NRXN1: variants seen among roughly 807,000 people sequenced by gnomAD.
NRXN1 encodes the protein neurexin 1.
Under a neutral mutation model 150.9 loss-of-function variants are expected in NRXN1, and 39 were observed. That is an observed-to-expected ratio of 0.26 (90% confidence interval 0.20 to 0.34). NRXN1 has a LOEUF of 0.34. Among genes scored for constraint, NRXN1 ranks in the 10% least tolerant of loss-of-function variants. The pLI, the probability that NRXN1 is intolerant of heterozygous loss-of-function variation, is 1.00. For synonymous variants in NRXN1, 924 were observed against 757.0 expected (o/e 1.22, Z -3.62); for missense variants, 1,815 against 1,949.9 (o/e 0.93, Z 1.30).
chr2:50,421,080 C>T (rs1334013181), intron 17 of NRXN1, among the ~76,000 whole-genome samples: 2 of 150,136 alleles, frequency 1.3e-5, no homozygotes, highest in South Asian at 2.1e-4. Context: ...GCAATGGACC[C>T]CTGTTATTTG....
At chr2:50,431,698 A>C (rs2084976151) in intron 17 of NRXN1, among the ~76,000 whole-genome samples, 1 of 152,206 alleles carries the variant, frequency 6.6e-6, no homozygotes, top group Non-Finnish European at 1.5e-5. Flanking sequence ...CCTATTGTCC[A>C]CGGCTGCTTT....
intron 17 of NRXN1, among the ~76,000 whole-genome samples, chr2:50,429,124 T>C (rs948295087): frequency 3.9e-5 from 6 of 152,144 alleles, no homozygotes; most frequent in East Asian, 1.9e-4. Context: ...GAATTAAAAG[T>C]AGTCATAATA....
chr2:50,227,783 G>A (rs1422245731), intron 18 of NRXN1, among the ~76,000 whole-genome samples: 1 of 152,008 alleles, frequency 6.6e-6, no homozygotes, highest in Non-Finnish European at 1.5e-5. Flanking sequence ...TAAAAAGCAA[G>A]CAGATACCTT....
chr2:50,947,733 C>T (rs1306470248), intron 2 of NRXN1, among the ~76,000 whole-genome samples: 2 of 151,942 alleles, frequency 1.3e-5, no homozygotes, highest in Non-Finnish European at 2.9e-5. Context: ...GGCAAAGGTA[C>T]GTATCCAAAT....
chr2:50,858,713 A>C (rs1435321518), intron 5 of NRXN1, among the ~76,000 whole-genome samples: 1 of 152,148 alleles, frequency 6.6e-6, no homozygotes, highest in Non-Finnish European at 1.5e-5. Flanking sequence ...AACATCTGAA[A>C]ATTTTAAGTT....
Position 49,921,314 on chromosome 2 carries a change from A to T in NRXN1, c.*630T>A. On this transcript the variant is annotated 3_prime_UTR_variant, in exon 23 of 23. Transcript: ENST00000401669. ...CGTGCCTTATATTTCACATTTTTGA[A>T]AATAAGGCCTCCATACTTTTTTTTC... 6.6e-6 allele frequency: 1 copy of T among 152,594 alleles called. No homozygotes were observed. Among genetic ancestry groups the T allele is most frequent in the East Asian group, 1.9e-4 (1 of 5,184 alleles). 9.5% of individuals were successfully genotyped at this position (152,594 alleles called of 1,614,324 possible).
At chr2:50,348,798 A>C (rs1182816653) in intron 17 of NRXN1, among the ~76,000 whole-genome samples, 1 of 152,166 alleles carries the variant, frequency 6.6e-6, no homozygotes, top group Non-Finnish European at 1.5e-5. Flanking sequence ...CCTGATTTCC[A>C]AAAGATGATA....
At chr2:50,969,671 A>C (rs1304445823) in intron 2 of NRXN1, among the ~76,000 whole-genome samples, 1 of 152,188 alleles carries the variant, frequency 6.6e-6, no homozygotes, top group Non-Finnish European at 1.5e-5. Flanking sequence ...ATATATCTAA[A>C]TTTAGGACAA....
At chr2:50,004,075 C>T (rs931150612) in intron 21 of NRXN1, among the ~76,000 whole-genome samples, 12 of 151,966 alleles carry the variant, frequency 7.9e-5, no homozygotes, top group Admixed American at 7.9e-4. Context: ...TGAGGTATTA[C>T]TTGAGTAAAA....
At chr2:50,625,494 C>G (rs1680857444) in intron 5 of NRXN1, among the ~76,000 whole-genome samples, 1 of 152,182 alleles carries the variant, frequency 6.6e-6, no homozygotes, top group Non-Finnish European at 1.5e-5. Flanking sequence ...GAGCACCTCC[C>G]AAGTGTTAAG....
intron 17 of NRXN1, among the ~76,000 whole-genome samples, chr2:50,277,355 T>C (rs942965964): frequency 6.6e-6 from 1 of 152,260 alleles, no homozygotes; most frequent in African/African-American, 2.4e-5. Flanking sequence ...TTGACATTGC[T>C]TGGCCAAGAG....
At chr2:50,778,063 T>TC (rs1021130844) in intron 5 of NRXN1, among the ~76,000 whole-genome samples, 15 of 152,104 alleles carry the variant, frequency 9.9e-5, no homozygotes, top group African/African-American at 1.4e-4. Context: ...ACACACCTCC[T>TC]CCCCCCCTTT....
Position 50,945,895 on chromosome 2 carries a change from T to C in NRXN1, c.773-19940A>G, listed in dbSNP as rs1240450941. ...AAAAACAGATATATATATATATATATATATACACACACACACACACACACA... is the reference window on the plus strand; with the variant it reads ...AAAAACAGATATATATATATATATACATATACACACACACACACACACACA... On this transcript the variant is annotated intron_variant, in intron 2 of 22. Transcript: ENST00000401669. 1.5e-3 allele frequency among the ~76,000 whole-genome samples: 219 copies of C among 143,726 alleles called. 2 individuals carry two copies. Among genetic ancestry groups the C allele is most frequent in the African/African-American group, 5.6e-3 (214 of 38,536 alleles). The allele number at this position is 143,726 out of a possible 152,430, so 94.3% of individuals were successfully genotyped here. A position where few individuals can be genotyped will look rare whatever the true frequency, so the allele number is the denominator to read the frequency against.
intron 17 of NRXN1, among the ~76,000 whole-genome samples, chr2:50,339,803 T>A (rs1028708770): frequency 6.6e-6 from 1 of 152,228 alleles, no homozygotes; most frequent in Non-Finnish European, 1.5e-5. Flanking sequence ...TAATATTAGA[T>A]AAAATTCCTT....
At chr2:50,264,430 G>A (rs911608803) in intron 17 of NRXN1, among the ~76,000 whole-genome samples, 5 of 152,064 alleles carry the variant, frequency 3.3e-5, no homozygotes, top group African/African-American at 7.2e-5. Flanking sequence ...ACAGGTAAAC[G>A]ACAAAGCAAT....
chr2:50,320,056 C>A (rs2075899644), intron 17 of NRXN1, among the ~76,000 whole-genome samples: 2 of 151,608 alleles, frequency 1.3e-5, no homozygotes, highest in African/African-American at 2.4e-5. Context: ...ACTATGCCCA[C>A]CCTCACTCCT....
chr2:50,359,924 C>T (rs922695462), intron 17 of NRXN1, among the ~76,000 whole-genome samples: 1 of 152,180 alleles, frequency 6.6e-6, no homozygotes, highest in East Asian at 1.9e-4. Flanking sequence ...AGAAACCCTC[C>T]AAGCCAGAAG....
At chr2:50,839,121 G>C (rs550008113) in intron 5 of NRXN1, among the ~76,000 whole-genome samples, 1 of 152,178 alleles carries the variant, frequency 6.6e-6, no homozygotes, top group Admixed American at 6.5e-5. Context: ...ATTCCTTTAA[G>C]CTATTTTATT....
chr2:50,278,307 T>A (rs1159587776), intron 17 of NRXN1, among the ~76,000 whole-genome samples: 8 of 122,856 alleles, frequency 6.5e-5, no homozygotes, highest in African/African-American at 1.7e-4. Flanking sequence ...ATATATATTT[T>A]ATATATATAT....
Sources: allele counts gnomAD v4.1 joint callset (sites outside exome capture counted in the v4.1 genomes callset), GRCh38; gene constraint gnomAD v4.1.1; transcripts MANE v1.5; gene names NCBI Gene and HGNC (gene_info 2026-07-23, HGNC 2026-07-21).